Variants in AK9 observed in about 807,000 individuals in gnomAD.
AK9 encodes adenylate kinase domain containing 1.
In AK9, 191 loss-of-function variants were observed where a neutral mutation model predicts 239.6. The observed-to-expected ratio is 0.80, with a 90% CI of 0.71 to 0.90. The LOEUF is 0.90. Among genes scored for constraint, AK9 ranks in the 40% least tolerant of loss-of-function variants. The pLI, the probability that AK9 is intolerant of heterozygous loss-of-function variation, is 0.00. For missense variants in AK9, 1,995 were observed against 2,214.7 expected, an observed-to-expected ratio of 0.90 and a Z score of 1.99; for synonymous variants, 689 against 721.0, an observed-to-expected ratio of 0.96 and a Z score of 0.71.
At chr6:109,508,376 T>C (rs999421658) in intron 33 of AK9, among the ~76,000 whole-genome samples, 3 of 152,134 alleles carry the variant, frequency 2.0e-5, no homozygotes, top group Non-Finnish European at 4.4e-5. Context: ...TCAACCATGA[T>C]TGCCTCACTG....
intron 24 of AK9, among the ~76,000 whole-genome samples, chr6:109,563,286 CATT>C (rs888008624): frequency 6.6e-6 from 1 of 152,150 alleles, no homozygotes; most frequent in Non-Finnish European, 1.5e-5. Context: ...GAACACTGCA[CATT>C]ATTATCATGC....
chr6:109,550,101 C>T lies in AK9; in HGVS notation c.2953G>A (p.Glu985Lys), dbSNP rs1784179986. The T allele has an allele frequency of 1.2e-6, 2 of 1,613,572 alleles. No individual in the cohort carries two copies. Among genetic ancestry groups the T allele is most frequent in the Non-Finnish European group, 1.7e-6 (2 of 1,179,950 alleles). ...GAATACTGTCTCACCTTCAATGGTT[C>T]TTCATGAGCCACATAATCCTCAGGA... ...EHPEDYVAHE[E>K]PLKAPPLRIC... Residue 985 changes from glutamate to lysine, a missense_variant, in exon 25 of 41, where the codon GAA becomes AAA. Glu to Lys is a moderately conservative substitution (Grantham distance 56). This residue lies in a region of AK9 where 1,290 missense variants were observed against 1,392.7 expected (regional missense o/e 0.93). Coordinates refer to ENST00000424296, the MANE Select transcript of AK9 (RefSeq NM_001145128.3).
chr6:109,533,252 C>A lies in AK9; in HGVS notation c.3569G>T (p.Arg1190Met). ...KLIKDMKAKI[R>M]VDTIAKRRAE... The stretch of plus-strand genomic sequence containing the variant: ...AATGCATTTTTGCTAGATACATACC[C>A]TGATTTTTGCCTTCATGTCTTTGAT... Residue 1190 changes from arginine to methionine, a missense_variant and splice_region_variant, in exon 28 of 41, where the codon AGG becomes ATG. Arg to Met is a moderately conservative substitution (Grantham distance 91). Around this residue, in one of 5 missense-constraint regions of AK9, gnomAD observed 1,290 missense variants for 1,392.7 expected, o/e 0.93. Transcript: ENST00000424296. 1 of 1,602,878 alleles carries A rather than the reference C, an allele frequency of 6.2e-7. No homozygotes were observed. The highest frequency in any genetic ancestry group is 1.1e-5 in the South Asian group (1 of 88,324).
chr6:109,624,516 A>G (rs1052797187), intron 12 of AK9, among the ~76,000 whole-genome samples: 5 of 152,056 alleles, frequency 3.3e-5, no homozygotes, highest in African/African-American at 1.2e-4. Context: ...TCCCCCCAAA[A>G]ATTGTCTTCT....
Position 109,619,247 on chromosome 6 carries a change from T to C in AK9, c.1255-11A>G, listed in dbSNP as rs1233802149. 5.9e-6 allele frequency: 9 copies of C among 1,537,998 alleles called. No homozygotes were observed. The South Asian group carries it at 8.7e-5, about 15-fold the overall frequency. Reference sequence around the variant, plus strand: ...GGCATAGTCGACTACCTGCAAAGAATATTTGAGAAAATCGACATAAGCAGG... The same window carrying C: ...GGCATAGTCGACTACCTGCAAAGAACATTTGAGAAAATCGACATAAGCAGG... On this transcript the variant is annotated splice_polypyrimidine_tract_variant and intron_variant, in intron 12 of 40. Coordinates refer to ENST00000424296, the MANE Select transcript of AK9 (RefSeq NM_001145128.3).
chr6:109,576,477 T>G (rs1010685004), intron 20 of AK9, among the ~76,000 whole-genome samples: 4 of 149,688 alleles, frequency 2.7e-5, no homozygotes, highest in Non-Finnish European at 4.5e-5. Flanking sequence ...GATTTCATTC[T>G]CAGCTTGGTC....
In AK9 at chr6:109,520,608, T is replaced by C. The variant is rs535567709; in HGVS notation, c.3634-3966A>G. Reference sequence around the variant, plus strand: ...GGCTATTTGGGGCTTCTGTTTTGGTTCCATATGAATTTTAGAATAGTTTAA... The same window carrying C: ...GGCTATTTGGGGCTTCTGTTTTGGTCCCATATGAATTTTAGAATAGTTTAA... On this transcript the variant is annotated intron_variant, in intron 29 of 40. Transcript: ENST00000424296. 7.4e-4 allele frequency among the ~76,000 whole-genome samples: 112 copies of C among 152,260 alleles called. 1 individual carries two copies. Among genetic ancestry groups the C allele is most frequent in the African/African-American group, 2.6e-3 (109 of 41,554 alleles).
intron 20 of AK9, chr6:109,579,237 C>G (rs1453644965): frequency 9.4e-6 from 2 of 212,482 alleles, no homozygotes; most frequent in African/African-American, 4.6e-5. Flanking sequence ...GTGTCAAGAG[C>G]AATGATTTAA....
At chr6:109,602,250 C>T (rs1330816718) in intron 17 of AK9, among the ~76,000 whole-genome samples, 9 of 152,134 alleles carry the variant, frequency 5.9e-5, no homozygotes, top group African/African-American at 2.2e-4. Context: ...CCTTCAGGAG[C>T]TCTTGTAGGG....
At chr6:109,628,905 G>A (rs1195548193) in intron 12 of AK9, among the ~76,000 whole-genome samples, 1 of 97,830 alleles carries the variant, frequency 1.0e-5, no homozygotes, top group Admixed American at 1.3e-4. Flanking sequence ...AGGCTACTGC[G>A]TTTCATTTAA....
At chr6:109,502,313 T>C (rs1777679092) in intron 35 of AK9, among the ~76,000 whole-genome samples, 1 of 152,042 alleles carries the variant, frequency 6.6e-6, no homozygotes, top group Non-Finnish European at 1.5e-5. Context: ...GGAAATAGGG[T>C]CAGAGAAATA....
rs941301698 is a variant in AK9 at position 109,632,085 on chromosome 6, A to G, written c.1254+838T>C. 1.0e-5 allele frequency: 9 copies of G among 889,046 alleles called. No individual in the cohort carries two copies. In the African/African-American group the frequency reaches 1.6e-4, roughly 16 times the overall value. 55.1% of individuals were successfully genotyped at this position (889,046 alleles called of 1,614,324 possible). A position where few individuals can be genotyped will look rare whatever the true frequency, so the allele number is the denominator to read the frequency against. On this transcript the variant is annotated intron_variant, in intron 12 of 40. Transcript: ENST00000424296. Reference sequence around the variant, plus strand: ...GGCGTCTGGGTGCTGGCAACATTCCAGATTTGACCTGGTTGGTGGTTACAT... The same window carrying G: ...GGCGTCTGGGTGCTGGCAACATTCCGGATTTGACCTGGTTGGTGGTTACAT...
intron 5 of AK9, 146 bp from the exon 6 acceptor site, chr6:109,662,809 C>T (rs1800608176): frequency 7.2e-6 from 2 of 278,100 alleles, no homozygotes; most frequent in South Asian, 1.6e-4. Flanking sequence ...TAAATTAACA[C>T]TTAAAGTTAT....
intron 24 of AK9, among the ~76,000 whole-genome samples, chr6:109,562,222 C>A (rs1330051407): frequency 6.6e-6 from 1 of 152,038 alleles, no homozygotes; most frequent in Non-Finnish European, 1.5e-5. Context: ...TTTTCAGAAT[C>A]TTTTTCCTCT....
chr6:109,598,187 T>C (rs1791327887), intron 17 of AK9, among the ~76,000 whole-genome samples: 1 of 152,002 alleles, frequency 6.6e-6, no homozygotes, highest in South Asian at 2.1e-4. Context: ...ACTCGTCATT[T>C]ACATTAGGTA....
At chr6:109,505,187 G>A (rs1255609006) in intron 35 of AK9, among the ~76,000 whole-genome samples, 2 of 152,202 alleles carry the variant, frequency 1.3e-5, no homozygotes, top group Non-Finnish European at 2.9e-5. Flanking sequence ...AGCAAATCAA[G>A]ATACAGTGCT....
At chr6:109,550,725 AG>A (rs1405597533) in intron 24 of AK9, among the ~76,000 whole-genome samples, 3 of 152,254 alleles carry the variant, frequency 2.0e-5, no homozygotes, top group Non-Finnish European at 4.4e-5. Context: ...TTTGGTATTA[AG>A]TGGATATATG....
chr6:109,536,034 T>C (rs571540470), intron 27 of AK9, among the ~76,000 whole-genome samples: 1 of 152,216 alleles, frequency 6.6e-6, no homozygotes, highest in South Asian at 2.1e-4. Context: ...TGAAGTCAGG[T>C]AGCGTGATGC....
chr6:109,658,611 A>G (rs546454644), intron 7 of AK9, among the ~76,000 whole-genome samples: 1 of 152,284 alleles, frequency 6.6e-6, no homozygotes, highest in East Asian at 1.9e-4. Context: ...AAAATAGAAC[A>G]TGTCATTCTC....
Sources: gnomAD v4.1 joint callset for allele counts (sites outside exome capture counted in the v4.1 genomes callset) on GRCh38, gnomAD v4.1.1 for gene constraint, gnomAD v4.1.1 regional missense constraint, MANE v1.5 for transcripts, NCBI Gene and HGNC (gene_info 2026-07-23, HGNC 2026-07-21) for gene names.